Variants in FBXL20 observed in about 807,000 individuals in gnomAD.
FBXL20 encodes the protein F-box and leucine rich repeat protein 20, also known as F-box/LRR-repeat protein 20.
In FBXL20, 11 loss-of-function variants were observed where a neutral mutation model predicts 64.0. The ratio of observed to expected loss-of-function variants is 0.17; its 90% CI spans 0.11 to 0.28. FBXL20 has a LOEUF of 0.28. FBXL20 is among the 10% of genes least tolerant of loss of function. The pLI is 1.00. For missense variants in FBXL20, 303 were observed against 526.2 expected, an observed-to-expected ratio of 0.58 and a Z score of 4.15; for synonymous variants, 184 against 189.0, an observed-to-expected ratio of 0.97 and a Z score of 0.22.
At chr17:39,299,105 A>T in intron 4 of FBXL20, 21 bp from the exon 5 acceptor site, 1 of 1,526,210 alleles carries the variant, frequency 6.6e-7, no homozygotes, top group Non-Finnish European at 9.0e-7. Flanking sequence ...AGACAGGCAA[A>T]CAAAAAGATA....
intron 2 of FBXL20, among the ~76,000 whole-genome samples, chr17:39,319,243 A>G (rs2047326622): frequency 6.6e-6 from 1 of 151,920 alleles, no homozygotes; most frequent in African/African-American, 2.4e-5. Context: ...GCAAGACTCC[A>G]TCTCAAAAAA....
At position 39,261,489 on chromosome 17, in the gene FBXL20, G is replaced by A. The variant is rs748951584; in HGVS notation, c.1282C>T (p.Arg428Cys). 6 of 1,613,584 alleles carry A rather than the reference G, an allele frequency of 3.7e-6. No individual in the cohort carries two copies. The Admixed American group carries it at 5.0e-5, about 13-fold the overall frequency. Residue 428 changes from arginine to cysteine, a missense_variant, in exon 15 of 15, where the codon CGC becomes TGC. Physicochemically the swap from Arg to Cys is radical, Grantham distance 180. This residue lies in a region of FBXL20 where 56 missense variants were observed against 86.0 expected (regional missense o/e 0.65). Transcript: ENST00000264658. ...PPPSVGGSRQ[R>C]FCRCCIIL Reference sequence around the variant, plus strand: ...AGGATGATGCAGCATCTGCAGAAGCGCTGTCTGCTGCCCCCTACTGATGGG... The same window carrying A: ...AGGATGATGCAGCATCTGCAGAAGCACTGTCTGCTGCCCCCTACTGATGGG...
intron 1 of FBXL20, among the ~76,000 whole-genome samples, chr17:39,363,874 G>A (rs1436197010): frequency 8.1e-6 from 1 of 122,818 alleles, no homozygotes; most frequent in African/African-American, 3.1e-5. Context: ...GAAACCCAAT[G>A]AATCATATCT....
intron 2 of FBXL20, among the ~76,000 whole-genome samples, chr17:39,312,411 C>G (rs775717528): frequency 3.7e-4 from 55 of 149,864 alleles, no homozygotes; most frequent in Non-Finnish European, 5.9e-4. Context: ...TATACTCCAT[C>G]TCAAAAAAAT....
chr17:39,338,535 AAAT>A (rs34989636), intron 2 of FBXL20, among the ~76,000 whole-genome samples: 37 of 151,330 alleles, frequency 2.4e-4, no homozygotes, highest in Middle Eastern at 3.4e-3. Context: ...GATCAATAAA[AAAT>A]AATAATAATA....
upstream of FBXL20, chr17:39,401,751 G>T (rs1253360596): frequency 9.7e-7 from 1 of 1,031,194 alleles, no homozygotes; most frequent in African/African-American, 1.7e-5. Flanking sequence ...GGAGGAGCGC[G>T]GCGGCGGCGG....
intron 1 of FBXL20, among the ~76,000 whole-genome samples, chr17:39,396,969 A>AT (rs34677223): frequency 4.7e-5 from 7 of 149,510 alleles, no homozygotes; most frequent in African/African-American, 1.7e-4. Flanking sequence ...AAAAAAAAAA[A>AT]AAAAAAATCC....
At chr17:39,274,686 G>A (rs1022387891) in intron 10 of FBXL20, among the ~76,000 whole-genome samples, 7 of 152,156 alleles carry the variant, frequency 4.6e-5, no homozygotes, top group African/African-American at 1.7e-4. Flanking sequence ...GCATTAATAA[G>A]AGAAAATACC....
At chr17:39,314,911 C>T (rs2047270993) in intron 2 of FBXL20, among the ~76,000 whole-genome samples, 1 of 151,052 alleles carries the variant, frequency 6.6e-6, no homozygotes, top group Non-Finnish European at 1.5e-5. Context: ...GATTCTCCTG[C>T]CTCAGCCTCC....
intron 1 of FBXL20, among the ~76,000 whole-genome samples, chr17:39,357,688 G>A (rs2338799): frequency 0.21 from 32,573 of 152,094 alleles, 4,014 homozygotes; most frequent in African/African-American, 0.33. Flanking sequence ...GCGACTACAG[G>A]TGAGTCACCA....
At chr17:39,379,373 T>C (rs2048000733) in intron 1 of FBXL20, among the ~76,000 whole-genome samples, 1 of 151,024 alleles carries the variant, frequency 6.6e-6, no homozygotes, top group Non-Finnish European at 1.5e-5. Context: ...CCTTAAAAAG[T>C]CAAACATAGA....
chr17:39,382,401 C>A lies in FBXL20; in HGVS notation c.42+18960G>T, dbSNP rs2048032971. ...GAGGTTGCAGTGAGCCCAGATCGCG[C>A]CACTGCACTCCAGCCACAGCAACAG... On this transcript the variant is annotated intron_variant, in intron 1 of 14. Transcript: ENST00000264658. Among the ~76,000 whole-genome samples the A allele has an allele frequency of 2.0e-5, 3 of 149,382 alleles. No homozygotes were observed. The Admixed American group carries it at 2.0e-4, about 10-fold the overall frequency.
intron 2 of FBXL20, among the ~76,000 whole-genome samples, chr17:39,319,827 C>T (rs2047337379): frequency 6.6e-6 from 1 of 151,584 alleles, no homozygotes; most frequent in Non-Finnish European, 1.5e-5. Context: ...GCCCAGGCTG[C>T]TCTCGAACTC....
At chr17:39,284,166 ATT>A (rs1366060909) in intron 7 of FBXL20, among the ~76,000 whole-genome samples, 1 of 152,156 alleles carries the variant, frequency 6.6e-6, no homozygotes, top group Non-Finnish European at 1.5e-5. Flanking sequence ...AGCTTTCTAG[ATT>A]TTCTTAGCTG....
intron 5 of FBXL20, 91 bp from the exon 6 acceptor site, chr17:39,297,286 T>C (rs1366070604): frequency 2.8e-6 from 2 of 724,684 alleles, no homozygotes; most frequent in Non-Finnish European, 4.6e-6. Flanking sequence ...ATTGGTAATA[T>C]TGATTGTTGA....
intron 2 of FBXL20, among the ~76,000 whole-genome samples, chr17:39,314,413 C>T (rs190439203): frequency 4.6e-5 from 7 of 152,082 alleles, no homozygotes; most frequent in South Asian, 2.1e-4. Flanking sequence ...GCTGTAGTGG[C>T]GCCATCCTGG....
intron 2 of FBXL20, among the ~76,000 whole-genome samples, chr17:39,340,419 G>A (rs999255608): frequency 1.3e-5 from 2 of 151,838 alleles, no homozygotes; most frequent in African/African-American, 2.4e-5. Flanking sequence ...TAGTAGAGAC[G>A]AGGTTTCACC....
chr17:39,375,555 T>C (rs115135894), intron 1 of FBXL20, among the ~76,000 whole-genome samples: 1,616 of 152,272 alleles, frequency 0.011, 29 homozygotes, highest in African/African-American at 0.037. Flanking sequence ...TCCCAACACA[T>C]AGAAATGATA....
chr17:39,386,954 T>C lies in FBXL20; in HGVS notation c.42+14407A>G, dbSNP rs545733507. Among the ~76,000 whole-genome samples, 10 of 152,292 alleles carry C rather than the reference T, an allele frequency of 6.6e-5. No individual in the cohort carries two copies. In the East Asian group the frequency reaches 1.9e-3, roughly 29 times the overall value. Reference sequence around the variant, plus strand: ...CAGCCATCTGACAACAGCCAGATCATGTAAAGAAAAGAATAAAACTGTATG... The same window carrying C: ...CAGCCATCTGACAACAGCCAGATCACGTAAAGAAAAGAATAAAACTGTATG... On this transcript the variant is annotated intron_variant, in intron 1 of 14. Transcript: ENST00000264658.
Sources: gnomAD v4.1 joint callset for allele counts (sites outside exome capture counted in the v4.1 genomes callset) on GRCh38, gnomAD v4.1.1 for gene constraint, gnomAD v4.1.1 regional missense constraint, MANE v1.5 for transcripts, NCBI Gene and HGNC (gene_info 2026-07-23, HGNC 2026-07-21) for gene names.